Variants in SLC25A36 observed in about 807,000 individuals in gnomAD.
The protein encoded by SLC25A36 is solute carrier family 25 member 36.
In SLC25A36, 24 loss-of-function variants were observed where a neutral mutation model predicts 35.3. That is an observed-to-expected ratio of 0.68 (90% CI 0.49 to 0.96). SLC25A36 has a LOEUF of 0.96. SLC25A36 is among the 40% of genes least tolerant of loss of function. The pLI is 0.00. For missense variants in SLC25A36, 294 were observed against 381.1 expected, an observed-to-expected ratio of 0.77 and a Z score of 1.90; for synonymous variants, 141 against 132.2, an observed-to-expected ratio of 1.07 and a Z score of -0.46.
At chr3:140,965,143 T>TGA (rs1361587533) in intron 4 of SLC25A36, 1 of 151,836 alleles carries the variant, frequency 6.6e-6, no homozygotes, top group African/African-American at 2.4e-5. Context: ...GCACTATTCA[T>TGA]GAGCATTAAC....
At chr3:140,944,398 G>A (rs972645595) in intron 1 of SLC25A36, among the ~76,000 whole-genome samples, 1 of 152,044 alleles carries the variant, frequency 6.6e-6, no homozygotes, top group Non-Finnish European at 1.5e-5. Flanking sequence ...TTATGCTTTT[G>A]CCAGAGTTAA....
At chr3:140,956,446 A>G (rs1934480103) in intron 1 of SLC25A36, 81 bp from the exon 2 acceptor site, 1 of 1,327,692 alleles carries the variant, frequency 7.5e-7, no homozygotes. Flanking sequence ...CCAGGTACCC[A>G]TGTGGATTAC....
At chr3:140,961,415 A>G (rs1012595027) in intron 3 of SLC25A36, among the ~76,000 whole-genome samples, 11 of 151,714 alleles carry the variant, frequency 7.3e-5, no homozygotes, top group African/African-American at 2.4e-4. Flanking sequence ...TTATACATTT[A>G]GATTATTTTT....
At position 140,978,564 on chromosome 3, in the gene SLC25A36, C is replaced by A. The variant is rs186191451; in HGVS notation, c.*2111C>A. The A allele has an allele frequency of 4.6e-5, 7 of 152,302 alleles. No individual in the cohort carries two copies. Among genetic ancestry groups the A allele is most frequent in the Admixed American group, 3.9e-4 (6 of 15,294 alleles). 9.4% of individuals were successfully genotyped at this position (152,302 alleles called of 1,614,324 possible). On this transcript the variant is annotated 3_prime_UTR_variant, in exon 7 of 7. Transcript: ENST00000324194. ...TCTTATTATTTAGTTGTAGCATATT[C>A]ATAACAAGTGTCCTTCAAGGATAAA...
intron 5 of SLC25A36, 175 bp from the exon 6 acceptor site, chr3:140,973,541 A>T: frequency 2.0e-6 from 1 of 488,822 alleles, no homozygotes; most frequent in Non-Finnish European, 3.3e-6. Context: ...TCACCCATTT[A>T]ATATGACAAA....
intron 4 of SLC25A36, among the ~76,000 whole-genome samples, chr3:140,969,801 C>T (rs1221152707): frequency 2.0e-5 from 3 of 151,828 alleles, no homozygotes; most frequent in African/African-American, 7.2e-5. Context: ...ATTTCTGTTC[C>T]TGTAAGTACT....
rs2107797474 is a variant in SLC25A36 at position 140,959,481 on chromosome 3, A to G, written c.225A>G (p.Glu75=). The G allele has an allele frequency of 6.6e-7, 1 of 1,524,366 alleles. No individual in the cohort carries two copies. The allele number at this position is 1,524,366 out of a possible 1,614,324, so 94.4% of individuals were successfully genotyped here. A position where few individuals can be genotyped will look rare whatever the true frequency, so the allele number is the denominator to read the frequency against. Residue 75 remains glutamate, a synonymous_variant, in exon 3 of 7, where the codon GAA becomes GAG. Transcript: ENST00000324194. ...LHCLKVILEK[E]GPRSLFRGLG... ...CTTTCAGGGTGATCTTGGAAAAAGAAGGGCCTCGTTCCTTGTTTAGAGGAC... is the reference window on the plus strand; with the variant it reads ...CTTTCAGGGTGATCTTGGAAAAAGAGGGGCCTCGTTCCTTGTTTAGAGGAC...
Position 140,963,245 on chromosome 3 carries a change from T to TAAAA in SLC25A36, c.385+29_385+32dup, listed in dbSNP as rs74628590. On this transcript the variant is annotated intron_variant, in intron 4 of 6. Coordinates refer to ENST00000324194, the MANE Select transcript of SLC25A36 (RefSeq NM_001104647.3). Reference sequence around the variant, plus strand: ...AATGGCAGGTATGAATGTATAATATTAAAAAAAAAAAAAACTTTCTGAAAC... The same window carrying TAAAA: ...AATGGCAGGTATGAATGTATAATATTAAAAAAAAAAAAAAAAAACTTTCTGAAAC... 15 of 1,176,732 alleles carry TAAAA rather than the reference T, an allele frequency of 1.3e-5. No homozygotes were observed. Among genetic ancestry groups the TAAAA allele is most frequent in the East Asian group, 8.4e-5 (3 of 35,516 alleles). The allele number at this position is 1,176,732 out of a possible 1,614,324, so 72.9% of individuals were successfully genotyped here.
intron 1 of SLC25A36, among the ~76,000 whole-genome samples, chr3:140,949,230 T>G (rs978660358): frequency 2.6e-5 from 4 of 152,198 alleles, no homozygotes; most frequent in African/African-American, 9.6e-5. Flanking sequence ...TTATCTTCAT[T>G]ATATGCACTA....
intron 4 of SLC25A36, chr3:140,966,305 G>T: frequency 6.8e-6 from 2 of 295,506 alleles, no homozygotes; most frequent in Non-Finnish European, 6.8e-6. Context: ...CAGATGTTTT[G>T]TGTGTTTGTG....
intron 4 of SLC25A36, chr3:140,966,854 A>G (rs1576485787): frequency 4.5e-6 from 2 of 442,966 alleles, no homozygotes; most frequent in Non-Finnish European, 9.2e-6. Context: ...AATCCTTCCA[A>G]TAGGATTCAA....
At chr3:140,950,836 ATTC>A (rs1255859823) in intron 1 of SLC25A36, among the ~76,000 whole-genome samples, 1 of 151,824 alleles carries the variant, frequency 6.6e-6, no homozygotes, top group Non-Finnish European at 1.5e-5. Context: ...TTGAGTTTGT[ATTC>A]TTCAGAGAAT....
At position 140,973,767 on chromosome 3, in the gene SLC25A36, T is replaced by C. The variant is rs1221326183; in HGVS notation, c.504T>C (p.Tyr168=). The change falls in exon 6 of 7, where the codon TAT becomes TAC. Residue 168 remains tyrosine (Y), a synonymous_variant. Transcript: ENST00000324194. ...MGAFECVRKV[Y]QTDGLKGFYR... is the part of the protein sequence containing the mutation. ...CTTTTGAATGTGTTCGTAAAGTGTA[T>C]CAGACAGATGGACTAAAAGGATTTT... 1 of 1,610,080 alleles carries C rather than the reference T, an allele frequency of 6.2e-7. No individual in the cohort carries two copies. Among genetic ancestry groups the C allele is most frequent in the African/African-American group, 1.3e-5 (1 of 74,808 alleles).
In SLC25A36 at chr3:140,978,627, T is replaced by G. The variant is rs1935113012; in HGVS notation, c.*2174T>G. 6.6e-6 allele frequency: 1 copy of G among 152,196 alleles called. No homozygotes were observed. The highest frequency in any genetic ancestry group is 1.9e-4 in the East Asian group (1 of 5,194). The allele number at this position is 152,196 out of a possible 1,614,324, so 9.4% of individuals were successfully genotyped here. A position where few individuals can be genotyped will look rare whatever the true frequency, so the allele number is the denominator to read the frequency against. On this transcript the variant is annotated 3_prime_UTR_variant, in exon 7 of 7. Coordinates refer to ENST00000324194, the MANE Select transcript of SLC25A36 (RefSeq NM_001104647.3). ...ATTTGTATTTAGCAAGTAAAACTTG[T>G]GTTGACCTTTAGTGCATTATATTCA...
chr3:140,964,690 C>G (rs1180645440), intron 4 of SLC25A36: 2 of 151,652 alleles, frequency 1.3e-5, no homozygotes, highest in Non-Finnish European at 3.0e-5. Context: ...TGGCTTATAA[C>G]CTCAGATAAT....
rs969119709 is a variant in SLC25A36, at chr3:140,980,684, T to C, written c.*4231T>C. ...CTCAGGCAAGCAAAATGTAATTAAA[T>C]GTTCCCCCTGCCCCCCCCCCCTTTT... On this transcript the variant is annotated 3_prime_UTR_variant, in exon 7 of 7. Coordinates refer to ENST00000324194, the MANE Select transcript of SLC25A36 (RefSeq NM_001104647.3). 5.4e-5 allele frequency among the ~76,000 whole-genome samples: 6 copies of C among 111,102 alleles called. No homozygotes were observed. Among genetic ancestry groups the C allele is most frequent in the Non-Finnish European group, 8.6e-5 (5 of 58,212 alleles). 72.9% of individuals were successfully genotyped at this position (111,102 alleles called of 152,430 possible). A position where few individuals can be genotyped will look rare whatever the true frequency, so the allele number is the denominator to read the frequency against.
intron 5 of SLC25A36, 36 bp from the exon 6 acceptor site, chr3:140,973,680 A>C: frequency 7.2e-7 from 1 of 1,382,218 alleles, no homozygotes; most frequent in Non-Finnish European, 9.4e-7. Flanking sequence ...TTACTTTAAA[A>C]AACCTATCAG....
chr3:140,972,450 C>G (rs1559817250), intron 5 of SLC25A36, among the ~76,000 whole-genome samples: 1 of 151,674 alleles, frequency 6.6e-6, no homozygotes, highest in Admixed American at 6.6e-5. Flanking sequence ...TGCTTGAGGC[C>G]AGGAGTTTAA....
At position 140,976,240 on chromosome 3, in the gene SLC25A36, T is replaced by A; in HGVS notation, c.743-20T>A. ...TGTAAAGATATCAGTAATGTTTAAT[T>A]TTATTTCTTTCCTACACAGAAGTTG... On this transcript the variant is annotated intron_variant, in intron 6 of 6. Transcript: ENST00000324194. 1 of 1,514,514 alleles carries A rather than the reference T, an allele frequency of 6.6e-7. No individual in the cohort carries two copies. The highest frequency in any genetic ancestry group is 9.0e-7 in the Non-Finnish European group (1 of 1,108,188). The allele number at this position is 1,514,514 out of a possible 1,614,324, so 93.8% of individuals were successfully genotyped here.
Sources: gnomAD v4.1 joint callset for allele counts (sites outside exome capture counted in the v4.1 genomes callset) on GRCh38, gnomAD v4.1.1 for gene constraint, MANE v1.5 for transcripts, NCBI Gene and HGNC (gene_info 2026-07-23, HGNC 2026-07-21) for gene names.